The following GPR89B variants were observed in gnomAD, a reference collection of about 807,000 sequenced individuals.
GPR89B encodes the protein golgi pH regulator B.
A neutral mutation model predicts 52.4 loss-of-function variants in GPR89B; 25 were observed. The ratio of observed to expected loss-of-function variants is 0.48; its 90% CI spans 0.35 to 0.67. The LOEUF is 0.67. Among genes scored for constraint, GPR89B ranks in the 30% least tolerant of loss-of-function variants. The pLI, the probability that GPR89B is intolerant of heterozygous loss-of-function variation, is 0.01. For missense variants in GPR89B, 146 were observed against 450.2 expected (o/e 0.32, Z 6.11); for synonymous variants, 52 against 151.2 (o/e 0.34, Z 4.81).
intron 10 of GPR89B, 97 bp from the exon 11 acceptor site, chr1:147,986,102 A>G (rs1658648474): frequency 6.2e-7 from 1 of 1,603,352 alleles, no homozygotes. Flanking sequence ...TTGACCTGTA[A>G]GATATGTTAT....
intron 2 of GPR89B, among the ~76,000 whole-genome samples, chr1:147,938,321 T>C (rs781802873): frequency 5.7e-4 from 86 of 151,672 alleles, no homozygotes; most frequent in Non-Finnish European, 1.0e-3. Context: ...TGCCCAATAC[T>C]TTAAGACCTC....
chr1:148,013,007 T>C, the GPR89B span, among the ~76,000 whole-genome samples: 1 of 152,110 alleles, frequency 6.6e-6, no homozygotes, highest in Non-Finnish European at 1.5e-5. Context: ...AAAATGCAGC[T>C]GTTAAAAATA....
intron 1 of GPR89B, among the ~76,000 whole-genome samples, chr1:147,933,461 T>C (rs1653817117): frequency 6.6e-6 from 1 of 152,036 alleles, no homozygotes; most frequent in Non-Finnish European, 1.5e-5. Context: ...AGGTATATCT[T>C]AGACCTGCCT....
the GPR89B span, among the ~76,000 whole-genome samples, chr1:148,025,540 A>G: frequency 6.8e-6 from 1 of 147,782 alleles, no homozygotes; most frequent in Non-Finnish European, 1.5e-5. Flanking sequence ...AAAAAAAAAA[A>G]AAAAAAAAAA....
chr1:147,978,458 G>A (rs1348033293), intron 10 of GPR89B, among the ~76,000 whole-genome samples: 8 of 151,744 alleles, frequency 5.3e-5, no homozygotes, highest in African/African-American at 1.2e-4. Context: ...CAGGAGGCAC[G>A]GGATCAGGGA....
At chr1:147,964,940 T>A (rs1656924972) in intron 7 of GPR89B, among the ~76,000 whole-genome samples, 2 of 151,790 alleles carry the variant, frequency 1.3e-5, no homozygotes, top group African/African-American at 4.9e-5. Flanking sequence ...AATGAACTAT[T>A]AAATGAGTGG....
intron 2 of GPR89B, among the ~76,000 whole-genome samples, chr1:147,936,895 G>A (rs1654136965): frequency 6.6e-6 from 1 of 152,028 alleles, no homozygotes; most frequent in African/African-American, 2.4e-5. Flanking sequence ...CCAGAAGTTA[G>A]GAGCAAGGAT....
At chr1:147,956,735 A>G (rs1656140609) in intron 7 of GPR89B, among the ~76,000 whole-genome samples, 1 of 150,384 alleles carries the variant, frequency 6.6e-6, no homozygotes, top group African/African-American at 2.5e-5. Context: ...AATATTGTCT[A>G]TTGTGATTTT....
chr1:148,007,044 G>A, the GPR89B span, among the ~76,000 whole-genome samples: 1 of 149,808 alleles, frequency 6.7e-6, no homozygotes, highest in South Asian at 2.1e-4. Context: ...TGTCATATCT[G>A]AACTGCCAGC....
At chr1:147,962,423 C>CAAAAA (rs1176963367) in intron 7 of GPR89B, among the ~76,000 whole-genome samples, 12 of 80,840 alleles carry the variant, frequency 1.5e-4, no homozygotes, top group Non-Finnish European at 2.0e-4. Context: ...AACTCTGTCT[C>CAAAAA]AAAAAAAAAA....
At chr1:147,949,077 G>T (rs1655269350) in intron 5 of GPR89B, among the ~76,000 whole-genome samples, 1 of 152,074 alleles carries the variant, frequency 6.6e-6, no homozygotes, top group South Asian at 2.1e-4. Flanking sequence ...AGGGTTGGGG[G>T]TAGGGTCACC....
the GPR89B span, chr1:148,003,699 G>A: frequency 1.9e-6 from 1 of 520,598 alleles, no homozygotes; most frequent in African/African-American, 2.0e-5. Flanking sequence ...GCATCTGGCT[G>A]GGAGTTGGGA....
intron 10 of GPR89B, among the ~76,000 whole-genome samples, chr1:147,978,483 C>G (rs1336620021): frequency 1.3e-5 from 2 of 151,754 alleles, no homozygotes; most frequent in African/African-American, 2.4e-5. Flanking sequence ...CTTAAGGAAG[C>G]ACTCTGACTG....
intron 7 of GPR89B, among the ~76,000 whole-genome samples, chr1:147,958,440 A>G (rs1233024830): frequency 1.6e-4 from 24 of 150,078 alleles, no homozygotes; most frequent in African/African-American, 6.0e-4. Flanking sequence ...TGAGTTCAAG[A>G]CCAGCCTGGC....
At chr1:148,009,246 A>T in the GPR89B span, 1 of 1,458,724 alleles carries the variant, frequency 6.9e-7, no homozygotes, top group Non-Finnish European at 9.4e-7. Context: ...CTGAAAAGTC[A>T]GTCGAAGAAA....
chr1:147,939,994 A>G (rs1203272452), intron 3 of GPR89B, among the ~76,000 whole-genome samples: 2 of 151,836 alleles, frequency 1.3e-5, no homozygotes, highest in Admixed American at 1.3e-4. Flanking sequence ...CTTAAAAAAA[A>G]GAGTGAGAGA....
intron 5 of GPR89B, among the ~76,000 whole-genome samples, chr1:147,947,698 G>A (rs1335476080): frequency 6.6e-6 from 1 of 152,096 alleles, no homozygotes; most frequent in East Asian, 1.9e-4. Context: ...AAAGGTAGAG[G>A]GGGAATTTTT....
chr1:147,948,902 C>T (rs1357330127), intron 5 of GPR89B, among the ~76,000 whole-genome samples: 3 of 151,908 alleles, frequency 2.0e-5, no homozygotes, highest in Non-Finnish European at 4.4e-5. Context: ...GCAGAGGACC[C>T]TGCGGCCTTC....
At chr1:147,928,833 G>T (rs6702371) in intron 1 of GPR89B, 4,269 of 186,040 alleles carry the variant, frequency 0.023, 159 homozygotes, top group African/African-American at 0.095. Flanking sequence ...ACTTTTGGAA[G>T]CGGTCCGCCG....
Sources: gnomAD v4.1 joint callset for allele counts (sites outside exome capture counted in the v4.1 genomes callset) on GRCh38, gnomAD v4.1.1 for gene constraint, MANE v1.5 for transcripts, NCBI Gene and HGNC (gene_info 2026-07-23, HGNC 2026-07-21) for gene names.